EPHA6: variants seen among roughly 807,000 people sequenced by gnomAD.
EPHA6 encodes the protein EPH receptor A6, also known as ephrin type-A receptor 6.
In EPHA6, 50 loss-of-function variants were observed where a neutral mutation model predicts 112.0. The observed-to-expected ratio is 0.45, with a 90% CI of 0.36 to 0.56. The LOEUF (loss-of-function observed/expected upper bound fraction) is 0.56, where lower values mean the gene tolerates loss of function less well. EPHA6 is among the 20% of genes least tolerant of loss of function. The probability of loss-of-function intolerance (pLI) is 0.00; values close to 1 mark genes in which losing one functional copy is unlikely to be tolerated. For synonymous variants in EPHA6, 529 were observed against 490.7 expected (o/e 1.08, Z -1.03); for missense variants, 1,280 against 1,417.4 (o/e 0.90, Z 1.56).
At chr3:97,187,681 GA>G (rs1320599286) in intron 3 of EPHA6, among the ~76,000 whole-genome samples, 14 of 105,298 alleles carry the variant, frequency 1.3e-4, no homozygotes, top group African/African-American at 5.0e-4. Context: ...GAAAGAGAAA[GA>G]AAGAAGGAAA....
intron 6 of EPHA6, among the ~76,000 whole-genome samples, chr3:97,411,889 C>T (rs2087740701): frequency 6.6e-6 from 1 of 151,978 alleles, no homozygotes; most frequent in Admixed American, 6.6e-5. Context: ...CAGGGGGAGT[C>T]GCTTAACAAG....
intron 15 of EPHA6, among the ~76,000 whole-genome samples, chr3:97,733,289 T>G (rs913232812): frequency 3.0e-4 from 45 of 152,120 alleles, no homozygotes; most frequent in Admixed American, 1.6e-3. Flanking sequence ...AGTACCTACC[T>G]CTTAGAGAAG....
chr3:97,216,412 G>A (rs544466920), intron 3 of EPHA6, among the ~76,000 whole-genome samples: 2 of 152,244 alleles, frequency 1.3e-5, no homozygotes, highest in African/African-American at 4.8e-5. Flanking sequence ...CCAACATTGA[G>A]AATCACATTT....
At chr3:96,993,257 A>T (rs1035231443) in intron 3 of EPHA6, among the ~76,000 whole-genome samples, 1 of 151,758 alleles carries the variant, frequency 6.6e-6, no homozygotes, top group East Asian at 1.9e-4. Context: ...AATATGTCTT[A>T]ATCTGGCCTT....
At chr3:97,557,783 T>C (rs1246959541) in intron 11 of EPHA6, among the ~76,000 whole-genome samples, 1 of 151,536 alleles carries the variant, frequency 6.6e-6, no homozygotes, top group Non-Finnish European at 1.5e-5. Context: ...TCCTGTGATT[T>C]TAAGATAGCT....
chr3:97,506,717 G>A (rs1308567731), intron 10 of EPHA6, among the ~76,000 whole-genome samples: 2 of 152,150 alleles, frequency 1.3e-5, no homozygotes, highest in East Asian at 3.8e-4. Flanking sequence ...AAAGTCAATG[G>A]TAGATTGATG....
At chr3:97,293,134 G>T (rs181932375) in intron 5 of EPHA6, among the ~76,000 whole-genome samples, 262 of 151,302 alleles carry the variant, frequency 1.7e-3, no homozygotes, top group African/African-American at 6.0e-3. Context: ...CTCATGGTGG[G>T]CAGCTCCATT....
chr3:97,151,529 A>G (rs1285793988), intron 3 of EPHA6, among the ~76,000 whole-genome samples: 1 of 152,122 alleles, frequency 6.6e-6, no homozygotes, highest in East Asian at 1.9e-4. Context: ...TTCTTCCTTC[A>G]GAGCTGGCCA....
At chr3:97,339,365 C>T (rs2083203292) in intron 5 of EPHA6, among the ~76,000 whole-genome samples, 1 of 152,138 alleles carries the variant, frequency 6.6e-6, no homozygotes, top group African/African-American at 2.4e-5. Flanking sequence ...CACTCTGATC[C>T]CTTAGGCTTG....
intron 3 of EPHA6, among the ~76,000 whole-genome samples, chr3:97,120,282 C>G (rs2048005370): frequency 6.6e-6 from 1 of 151,848 alleles, no homozygotes; most frequent in Non-Finnish European, 1.5e-5. Context: ...TAAGATAAAT[C>G]ATAACAAAAT....
intron 2 of EPHA6, among the ~76,000 whole-genome samples, chr3:96,923,402 G>GT (rs1170998105): frequency 6.6e-6 from 1 of 152,002 alleles, no homozygotes; most frequent in Non-Finnish European, 1.5e-5. Flanking sequence ...ATGTTGAAAA[G>GT]TTTTTTACAT....
chr3:97,671,981 C>G (rs1560252496), intron 14 of EPHA6, among the ~76,000 whole-genome samples: 1 of 152,144 alleles, frequency 6.6e-6, no homozygotes. Flanking sequence ...TGCCGAGAAC[C>G]TGATTTAGGA....
At chr3:97,190,659 A>AGAT in intron 3 of EPHA6, among the ~76,000 whole-genome samples, 1 of 152,212 alleles carries the variant, frequency 6.6e-6, no homozygotes, top group South Asian at 2.1e-4. Context: ...ATATATGTAT[A>AGAT]GATTGTGGAA....
chr3:97,453,658 A>AT (rs1185195635), intron 7 of EPHA6, among the ~76,000 whole-genome samples: 1 of 151,718 alleles, frequency 6.6e-6, no homozygotes, highest in Non-Finnish European at 1.5e-5. Context: ...TGCCTTATAT[A>AT]TTTTTACAAA....
At chr3:97,302,370 A>G (rs1045777916) in intron 5 of EPHA6, among the ~76,000 whole-genome samples, 2 of 151,902 alleles carry the variant, frequency 1.3e-5, no homozygotes, top group Non-Finnish European at 2.9e-5. Flanking sequence ...AAAGAGTAAA[A>G]CTTGTTCCTA....
Position 97,757,261 on chromosome 3 carries a change from G to T in EPHA6, c.*8560G>T, listed in dbSNP as rs2036048410. Among the ~76,000 whole-genome samples the T allele has an allele frequency of 1.3e-5, 2 of 151,788 alleles. No individual in the cohort carries two copies. Among genetic ancestry groups the T allele is most frequent in the Admixed American group, 1.3e-4 (2 of 15,236 alleles). ...TCTTACTGGTAATTTTGAAACTAAA[G>T]TGCATTTCAAGGATGGGAATCTCTA... On this transcript the variant is annotated 3_prime_UTR_variant, in exon 18 of 18. Coordinates refer to ENST00000389672, the MANE Select transcript of EPHA6 (RefSeq NM_001080448.3).
At chr3:97,677,310 A>G (rs2031473943) in intron 14 of EPHA6, among the ~76,000 whole-genome samples, 1 of 152,162 alleles carries the variant, frequency 6.6e-6, no homozygotes, top group African/African-American at 2.4e-5. Flanking sequence ...CATTGATTTT[A>G]ATTTTACCTT....
At chr3:97,587,646 A>G (rs970332702) in intron 11 of EPHA6, among the ~76,000 whole-genome samples, 4 of 152,210 alleles carry the variant, frequency 2.6e-5, no homozygotes, top group Non-Finnish European at 5.9e-5. Flanking sequence ...TGTACTTTCA[A>G]TAGTGCTCCT....
At chr3:97,167,024 T>G (rs2076557300) in intron 3 of EPHA6, among the ~76,000 whole-genome samples, 1 of 152,196 alleles carries the variant, frequency 6.6e-6, no homozygotes, top group African/African-American at 2.4e-5. Context: ...CCGTGGAATA[T>G]TGGCAGACAT....
Sources: gnomAD v4.1 joint callset for allele counts (sites outside exome capture counted in the v4.1 genomes callset) on GRCh38, gnomAD v4.1.1 for gene constraint, MANE v1.5 for transcripts, NCBI Gene and HGNC (gene_info 2026-07-23, HGNC 2026-07-21) for gene names.